The following MAPK9 variants were observed in gnomAD, a reference collection of about 807,000 sequenced individuals.
MAPK9 encodes Jun kinase.
A neutral mutation model predicts 57.1 loss-of-function variants in MAPK9; 30 were observed. That is an observed-to-expected ratio of 0.53 (90% CI 0.39 to 0.71). MAPK9 has a LOEUF of 0.71. Ranked by LOEUF, MAPK9 falls within the 30% of genes least tolerant of loss-of-function variation. MAPK9 has a pLI of 0.00. For synonymous variants in MAPK9, 155 were observed against 177.0 expected (o/e 0.88, Z 0.99); for missense variants, 362 against 521.0 (o/e 0.69, Z 2.97).
intron 5 of MAPK9, among the ~76,000 whole-genome samples, chr5:180,258,558 C>T (rs1373485675): frequency 6.6e-6 from 1 of 152,098 alleles, no homozygotes; most frequent in East Asian, 1.9e-4. Flanking sequence ...GAGAGAAATC[C>T]TATAACTGTA....
chr5:180,243,531 G>A lies in MAPK9; in HGVS notation c.689-776C>T, dbSNP rs535292367. ...GGAAAGTGACACTGAAACTGTACTCGCTATACAAGAGAATGCAAGTGAGAA... is the reference window on the plus strand; with the variant it reads ...GGAAAGTGACACTGAAACTGTACTCACTATACAAGAGAATGCAAGTGAGAA... On this transcript the variant is annotated intron_variant, in intron 7 of 11. Coordinates refer to ENST00000452135, the MANE Select transcript of MAPK9 (RefSeq NM_002752.5). Among the ~76,000 whole-genome samples the A allele has an allele frequency of 5.8e-4, 88 of 152,182 alleles. 2 individuals are homozygous for A. The South Asian group carries it at 0.013, about 22-fold the overall frequency.
intron 1 of MAPK9, among the ~76,000 whole-genome samples, chr5:180,283,096 C>T (rs546505029): frequency 5.3e-5 from 8 of 152,248 alleles, no homozygotes; most frequent in Admixed American, 3.3e-4. Context: ...GCGACACAGG[C>T]GCTGAGGTGC....
rs1272491958 is a variant in MAPK9 at position 180,247,398 on chromosome 5, T to C, written c.688+41A>G. The C allele has an allele frequency of 2.5e-6, 4 of 1,613,882 alleles. No individual in the cohort carries two copies. In the East Asian group the frequency reaches 6.7e-5, roughly 27 times the overall value. On this transcript the variant is annotated intron_variant, in intron 7 of 11. Coordinates refer to ENST00000452135, the MANE Select transcript of MAPK9 (RefSeq NM_002752.5). This position sits in a 1 kb window ranked among gnomAD's most constrained non-coding sequence, Gnocchi z 4.5. ...GCAGGTGGTCATGCTGCCTGAGGCA[T>C]TAAGAAAGCATGGCGGGGCCAAGGT...
chr5:180,273,304 C>T (rs1761519296), intron 2 of MAPK9, among the ~76,000 whole-genome samples: 1 of 151,970 alleles, frequency 6.6e-6, no homozygotes, highest in African/African-American at 2.4e-5. Flanking sequence ...CTATGCTTAT[C>T]TTTTCAGTTT....
chr5:180,236,768 A>C (rs1411058027), intron 11 of MAPK9: 2 of 380,240 alleles, frequency 5.3e-6, no homozygotes, highest in Admixed American at 8.4e-5. Context: ...CTCAGTAGCT[A>C]AACATATATG....
intron 2 of MAPK9, among the ~76,000 whole-genome samples, chr5:180,277,740 T>C (rs12657188): frequency 0.026 from 4,007 of 152,296 alleles, 118 homozygotes; most frequent in East Asian, 0.13. Flanking sequence ...CCAATTCCTC[T>C]TGTCAGTGTT....
intron 7 of MAPK9, among the ~76,000 whole-genome samples, chr5:180,243,239 G>A (rs1014509589): frequency 6.6e-6 from 1 of 152,170 alleles, no homozygotes; most frequent in African/African-American, 2.4e-5. Context: ...GGCTTAGACT[G>A]AGCCCAGCGA....
intron 1 of MAPK9, among the ~76,000 whole-genome samples, chr5:180,283,228 C>A (rs1762467390): frequency 6.6e-6 from 1 of 152,186 alleles, no homozygotes; most frequent in Non-Finnish European, 1.5e-5. Context: ...CCAGGTATGG[C>A]CAGATGACCA....
At position 180,234,602 on chromosome 5, in the gene MAPK9, A is replaced by C. The variant is rs1387796591; in HGVS notation, c.*1782T>G. ...CTCCCTTTTGTTTTTCCTTTTAAAG[A>C]TAGATTTAGTGAAGTCTTTTAAAAG... is the stretch of plus-strand genomic sequence containing the variant. On this transcript the variant is annotated 3_prime_UTR_variant, in exon 12 of 12. Coordinates refer to ENST00000452135, the MANE Select transcript of MAPK9 (RefSeq NM_002752.5). 1 of 152,186 alleles carries C rather than the reference A, an allele frequency of 6.6e-6. No individual in the cohort carries two copies. The highest frequency in any genetic ancestry group is 2.4e-5 in the African/African-American group (1 of 41,442). 9.4% of individuals were successfully genotyped at this position (152,186 alleles called of 1,614,324 possible). A position where few individuals can be genotyped will look rare whatever the true frequency, so the allele number is the denominator to read the frequency against.
chr5:180,248,106 C>T (rs1468351073), intron 6 of MAPK9, among the ~76,000 whole-genome samples: 1 of 152,266 alleles, frequency 6.6e-6, no homozygotes, highest in Non-Finnish European at 1.5e-5. Flanking sequence ...GGCAGCAGCA[C>T]TCACTGGCGG....
intron 1 of MAPK9, among the ~76,000 whole-genome samples, chr5:180,284,536 C>T (rs576538522): frequency 5.9e-5 from 9 of 152,328 alleles, no homozygotes; most frequent in East Asian, 5.8e-4. Flanking sequence ...CTTTCATACA[C>T]GTCAGTGAGA....
At chr5:180,240,917 G>T in intron 9 of MAPK9, 114 bp downstream of exon 9, 1 of 1,268,314 alleles carries the variant, frequency 7.9e-7, no homozygotes, top group Non-Finnish European at 1.0e-6. Flanking sequence ...GTAACTGGGA[G>T]CCCCCAAATG....
chr5:180,250,834 G>A (rs1295072929), intron 5 of MAPK9, among the ~76,000 whole-genome samples: 1 of 152,162 alleles, frequency 6.6e-6, no homozygotes, highest in Non-Finnish European at 1.5e-5. Context: ...TCCCAGAAAG[G>A]CCTGAGAGGA....
At chr5:180,241,542 GC>G (rs1757661285) in intron 8 of MAPK9, among the ~76,000 whole-genome samples, 1 of 152,122 alleles carries the variant, frequency 6.6e-6, no homozygotes, top group Non-Finnish European at 1.5e-5. Flanking sequence ...CTCGTGATCC[GC>G]CTGCCTCAGC....
At chr5:180,289,335 T>G (rs1420455303) in intron 1 of MAPK9, among the ~76,000 whole-genome samples, 1 of 152,082 alleles carries the variant, frequency 6.6e-6, no homozygotes, top group Non-Finnish European at 1.5e-5. Flanking sequence ...AAAATTAAAT[T>G]GCCAGGAAAA....
intron 4 of MAPK9, 28 bp from the exon 5 acceptor site, chr5:180,261,850 T>G (rs760081527): frequency 5.1e-6 from 8 of 1,580,298 alleles, no homozygotes; most frequent in South Asian, 4.7e-5. Flanking sequence ...AGTTATTTAT[T>G]TGAAAATTAT....
chr5:180,279,325 T>C (rs1343925793), intron 2 of MAPK9, among the ~76,000 whole-genome samples: 1 of 152,174 alleles, frequency 6.6e-6, no homozygotes, highest in Non-Finnish European at 1.5e-5. Context: ...GAAGTTAAGA[T>C]CACCATTACT....
intron 4 of MAPK9, among the ~76,000 whole-genome samples, chr5:180,263,706 C>CT (rs61215315): frequency 0.63 from 79,763 of 127,134 alleles, 26,319 homozygotes; most frequent in Non-Finnish European, 0.68. Context: ...GCACCAAATT[C>CT]TTTTTTTTTT....
At position 180,247,142 on chromosome 5, in the gene MAPK9, G is replaced by A; in HGVS notation, c.688+297C>T. 1 of 463,216 alleles carries A rather than the reference G, an allele frequency of 2.2e-6. No homozygotes were observed. The highest frequency in any genetic ancestry group is 3.9e-5 in the Admixed American group (1 of 25,598). 28.7% of individuals were successfully genotyped at this position (463,216 alleles called of 1,614,324 possible). ...TAAATATCAGAATATACTTATCAAA[G>A]AGTAAATAATTTCTTCTATGTGTCC... On this transcript the variant is annotated intron_variant, in intron 7 of 11. Transcript: ENST00000452135. This position sits in a 1 kb window ranked among gnomAD's most constrained non-coding sequence, Gnocchi z 4.5.
Sources: gnomAD v4.1 joint callset for allele counts (sites outside exome capture counted in the v4.1 genomes callset) on GRCh38, gnomAD v4.1.1 for gene constraint, Gnocchi (gnomAD v3.1) non-coding constraint, MANE v1.5 for transcripts, NCBI Gene and HGNC (gene_info 2026-07-23, HGNC 2026-07-21) for gene names.